The following LINGO1 variants were observed in gnomAD, a reference collection of about 807,000 sequenced individuals.
The protein encoded by LINGO1 is leucine rich repeat and Ig domain containing 1.
LINGO1 carries 11 observed loss-of-function variants against 37.3 expected under a neutral mutation model. The observed-to-expected ratio is 0.29, with a 90% confidence interval of 0.19 to 0.49. The LOEUF is 0.49. LINGO1 is among the 20% of genes least tolerant of loss of function. The pLI is 0.99. For synonymous variants in LINGO1, 387 were observed against 403.0 expected (o/e 0.96, Z 0.48); for missense variants, 585 against 878.2 (o/e 0.67, Z 4.22).
intron 2 of LINGO1, among the ~76,000 whole-genome samples, chr15:77,680,049 G>A (rs563039629): frequency 3.2e-4 from 49 of 152,336 alleles, no homozygotes; most frequent in Admixed American, 1.7e-3. Context: ...TCTGCCCAAC[G>A]GGCTGTGAAC....
rs570896087 is a variant in LINGO1 at position 77,751,186 on chromosome 15, C to T, written c.-256-16133G>A. ...TCTCTGCCTTTACTCATGCTATGCC[C>T]TCAAGAGGCCCCTCTCCCATTCAGG... is the stretch of plus-strand genomic sequence containing the variant. On this transcript the variant is annotated intron_variant, in intron 1 of 3. Coordinates refer to the LINGO1 transcript ENST00000561686. Among the ~76,000 whole-genome samples, 8 of 150,474 alleles carry T rather than the reference C, an allele frequency of 5.3e-5. No homozygotes were observed. The Middle Eastern group carries it at 0.01, about 192-fold the overall frequency.
At chr15:77,769,171 G>T (rs1202533220) in intron 1 of LINGO1, among the ~76,000 whole-genome samples, 2 of 152,248 alleles carry the variant, frequency 1.3e-5, no homozygotes, top group East Asian at 3.9e-4. Context: ...TCCATGACAG[G>T]GTGGGGCCCA....
chr15:77,819,853 C>T (rs1217528206), intron 1 of LINGO1, among the ~76,000 whole-genome samples: 5 of 151,500 alleles, frequency 3.3e-5, no homozygotes, highest in Non-Finnish European at 5.9e-5. Flanking sequence ...CCGCGGGAAG[C>T]GCCGGCCCCC....
intron 2 of LINGO1, among the ~76,000 whole-genome samples, chr15:77,721,246 G>A (rs1387585772): frequency 2.6e-5 from 4 of 151,664 alleles, no homozygotes; most frequent in African/African-American, 9.7e-5. Context: ...ACCTCCCCAA[G>A]CTCACTCCAC....
chr15:77,756,789 C>T (rs548598517), intron 1 of LINGO1, among the ~76,000 whole-genome samples: 2 of 152,318 alleles, frequency 1.3e-5, no homozygotes, highest in East Asian at 3.9e-4. Context: ...AACCACCATG[C>T]CACCCACTCT....
upstream of LINGO1, among the ~76,000 whole-genome samples, chr15:77,699,890 C>T (rs1015356451): frequency 2.0e-5 from 3 of 152,128 alleles, no homozygotes; most frequent in Non-Finnish European, 2.9e-5. Context: ...TACCTGCTAA[C>T]CAGCTGTTAG....
At chr15:77,746,208 A>C (rs2076313208) in intron 1 of LINGO1, among the ~76,000 whole-genome samples, 2 of 93,432 alleles carry the variant, frequency 2.1e-5, no homozygotes, top group South Asian at 5.9e-4. Flanking sequence ...ACCCTGTCTC[A>C]AAAAAAAAAA....
intron 2 of LINGO1, among the ~76,000 whole-genome samples, chr15:77,704,967 T>C (rs1461230172): frequency 6.6e-6 from 1 of 152,112 alleles, no homozygotes; most frequent in African/African-American, 2.4e-5. Context: ...ACCAGTGTCA[T>C]GGTCTAGGCC....
At position 77,614,351 on chromosome 15, in the gene LINGO1, G is replaced by A; in HGVS notation, c.1556C>T (p.Pro519Leu). 1 of 1,613,908 alleles carries A rather than the reference G, an allele frequency of 6.2e-7. No individual in the cohort carries two copies. Among genetic ancestry groups the A allele is most frequent in the South Asian group, 1.1e-5 (1 of 91,090 alleles). ...PAHLHVRSYS[P>L]DWPHQPNKTF... ...CTTGTTGGGCTGATGGGGCCAGTCG[G>A]GCGAGTAGCTGCGCACATGCAGGTG... The change falls in exon 2 of 2, where the codon CCC (proline) becomes CTC (leucine). Residue 519 changes from proline (P) to leucine (L), a missense_variant. By Grantham distance (98) the Pro-to-Leu change is moderately conservative. Transcript: ENST00000355300.
At chr15:77,795,765 G>A (rs754182039) in intron 2 of LINGO1, among the ~76,000 whole-genome samples, 2 of 152,218 alleles carry the variant, frequency 1.3e-5, no homozygotes, top group Admixed American at 6.5e-5. Flanking sequence ...GCTGCCTGCC[G>A]GAGCCCTGCT....
chr15:77,668,792 TACAC>T (rs34476518), intron 3 of LINGO1, among the ~76,000 whole-genome samples: 17,939 of 134,708 alleles, frequency 0.13, 1,151 homozygotes, highest in Non-Finnish European at 0.16. Context: ...CACAGGGGAA[TACAC>T]ACACACACAC....
chr15:77,686,635 G>A (rs1360289126), intron 2 of LINGO1, among the ~76,000 whole-genome samples: 1 of 152,188 alleles, frequency 6.6e-6, no homozygotes, highest in African/African-American at 2.4e-5. Flanking sequence ...GTTCTGGGGG[G>A]TCACAGTCAG....
chr15:77,738,310 G>T (rs1439206675), intron 1 of LINGO1, among the ~76,000 whole-genome samples: 1 of 152,144 alleles, frequency 6.6e-6, no homozygotes, highest in Non-Finnish European at 1.5e-5. Flanking sequence ...CCTGCCATAA[G>T]CCCATGGTAC....
intron 2 of LINGO1, among the ~76,000 whole-genome samples, chr15:77,689,946 C>T (rs1433131506): frequency 2.0e-5 from 3 of 152,224 alleles, no homozygotes; most frequent in South Asian, 4.1e-4. Context: ...TACATCATCT[C>T]AGGGAGTTCT....
intron 2 of LINGO1, among the ~76,000 whole-genome samples, chr15:77,683,420 C>A (rs4078063): frequency 0.12 from 18,839 of 152,114 alleles, 1,254 homozygotes; most frequent in Middle Eastern, 0.19. Flanking sequence ...GGATGCTCCC[C>A]GAAGCATTAT....
intron 1 of LINGO1, among the ~76,000 whole-genome samples, chr15:77,617,757 C>T (rs2073779176): frequency 6.6e-6 from 1 of 152,366 alleles, no homozygotes; most frequent in East Asian, 1.9e-4. Context: ...GGTCTGCCCA[C>T]AAAACCACAC....
upstream of LINGO1, among the ~76,000 whole-genome samples, chr15:77,635,527 G>A (rs2074379013): frequency 6.6e-6 from 1 of 151,968 alleles, no homozygotes; most frequent in Non-Finnish European, 1.5e-5. Context: ...CATGGAGAAT[G>A]TGACACACCG....
intron 3 of LINGO1, among the ~76,000 whole-genome samples, chr15:77,654,969 C>T (rs1252591650): frequency 1.3e-5 from 2 of 152,192 alleles, no homozygotes; most frequent in Non-Finnish European, 2.9e-5. Flanking sequence ...CAAAGCCAGA[C>T]TTCTCTCCTG....
upstream of LINGO1, among the ~76,000 whole-genome samples, chr15:77,790,382 G>A (rs1159682142): frequency 6.6e-6 from 1 of 152,222 alleles, no homozygotes. Context: ...TGATAAGGAG[G>A]AGATGGGATG....
Sources: allele counts gnomAD v4.1 joint callset (sites outside exome capture counted in the v4.1 genomes callset), GRCh38; gene constraint gnomAD v4.1.1; transcripts MANE v1.5; gene names NCBI Gene and HGNC (gene_info 2026-07-23, HGNC 2026-07-21).